The following AKAP9 variants were observed in gnomAD, a reference collection of about 807,000 sequenced individuals.
AKAP9 encodes the protein A-kinase anchor protein 9.
A neutral mutation model predicts 488.5 loss-of-function variants in AKAP9; 311 were observed. The observed-to-expected ratio is 0.64, with a 90% confidence interval of 0.58 to 0.70. The LOEUF is 0.70. Ranked by LOEUF, AKAP9 falls within the 30% of genes least tolerant of loss-of-function variation. The probability of loss-of-function intolerance (pLI) is 0.00; values close to 1 mark genes in which losing one functional copy is unlikely to be tolerated. For synonymous variants in AKAP9, 1,462 were observed against 1,483.5 expected, an observed-to-expected ratio of 0.99 and a Z score of 0.33; for missense variants, 4,215 against 4,374.5, an observed-to-expected ratio of 0.96 and a Z score of 1.03.
chr7:92,084,554 C>T (rs552965676), intron 33 of AKAP9, 86 bp from the exon 34 acceptor site: 5 of 963,130 alleles, frequency 5.2e-6, no homozygotes, highest in South Asian at 1.5e-5. Context: ...TGATTGATTA[C>T]AGCACGGGAA....
At chr7:91,943,018 T>G (rs1183587780) in intron 1 of AKAP9, among the ~76,000 whole-genome samples, 2 of 150,512 alleles carry the variant, frequency 1.3e-5, no homozygotes, top group African/African-American at 4.9e-5. Flanking sequence ...ATAGTGAGAC[T>G]CTACAAAAAA....
In AKAP9 at chr7:92,001,707, A is replaced by G. The variant is rs779121389; in HGVS notation, c.1790A>G (p.Lys597Arg). 1 of 1,612,476 alleles carries G rather than the reference A, an allele frequency of 6.2e-7. No individual in the cohort carries two copies. The highest frequency in any genetic ancestry group is 8.5e-7 in the Non-Finnish European group (1 of 1,179,610). The change falls in exon 8 of 50, where the codon AAG (lysine) becomes AGG (arginine). Residue 597 changes from lysine (K) to arginine (R), a missense_variant. Lys to Arg is a conservative substitution (Grantham distance 26). Around this residue, in one of 5 missense-constraint regions of AKAP9, gnomAD observed 2,361 missense variants for 2,430.0 expected, o/e 0.97. Coordinates refer to ENST00000356239, the MANE Select transcript of AKAP9 (RefSeq NM_005751.5). ...CATGAAGCAGAAGTTACAAATTACA[A>G]GATAAAACTTGAAATGTTAGAAAAA... Reference protein sequence around the residue: ...LKHEAEVTNYKIKLEMLEKEK... With the variant: ...LKHEAEVTNYRIKLEMLEKEK...
chr7:91,948,605 CTTTTT>C (rs55928500), intron 1 of AKAP9, among the ~76,000 whole-genome samples: 6 of 107,560 alleles, frequency 5.6e-5, no homozygotes, highest in Non-Finnish European at 9.2e-5. Flanking sequence ...TTGTAGATTT[CTTTTT>C]TTTTTTTTTT....
In AKAP9 at chr7:92,001,710, T is replaced by C; in HGVS notation, c.1793T>C (p.Ile598Thr). The C allele has an allele frequency of 6.2e-7, 1 of 1,612,344 alleles. No homozygotes were observed. The highest frequency in any genetic ancestry group is 1.7e-4 in the Middle Eastern group (1 of 6,052). Residue 598 changes from isoleucine (I) to threonine (T), a missense_variant, in exon 8 of 50, where the codon ATA becomes ACA. Physicochemically the swap from Ile to Thr is moderately conservative, Grantham distance 89. Coordinates refer to ENST00000356239, the MANE Select transcript of AKAP9 (RefSeq NM_005751.5). ...KHEAEVTNYK[I>T]KLEMLEKEKN... ...GAAGCAGAAGTTACAAATTACAAGA[T>C]AAAACTTGAAATGTTAGAAAAAGAA...
At chr7:91,960,733 T>C (rs1200523995) in intron 1 of AKAP9, among the ~76,000 whole-genome samples, 3 of 152,246 alleles carry the variant, frequency 2.0e-5, no homozygotes, top group Non-Finnish European at 4.4e-5. Flanking sequence ...CCTCACTACA[T>C]GTCTTACTTT....
At chr7:92,012,340 C>T (rs904143900) in intron 8 of AKAP9, 89 bp from the exon 9 acceptor site, 129 of 1,204,506 alleles carry the variant, frequency 1.1e-4, no homozygotes, top group Non-Finnish European at 1.5e-4. Context: ...TTTTTAAACT[C>T]TTGTAGTCAG....
At position 92,062,360 on chromosome 7, in the gene AKAP9, G is replaced by T. The variant is rs1368985096; in HGVS notation, c.5851G>T (p.Glu1951Ter). Reference sequence around the variant, plus strand: ...TGATATAATAGATCGTCTTGAGCAGGAGTTGTTATGTGCAAGTAACAGGTT... The same window carrying T: ...TGATATAATAGATCGTCTTGAGCAGTAGTTGTTATGTGCAAGTAACAGGTT... ...KTDIIDRLEQ[E>*]LLCASNRLQE... Residue 1951 changes from glutamate to a stop codon, truncating the protein, a stop_gained, in exon 24 of 50, where the codon GAG becomes TAG. Transcript: ENST00000356239. LOFTEE classifies it high-confidence loss of function. 1.2e-6 allele frequency: 2 copies of T among 1,613,800 alleles called. No homozygotes were observed. The highest frequency in any genetic ancestry group is 1.7e-6 in the Non-Finnish European group (2 of 1,179,864).
intron 13 of AKAP9, 75 bp from the exon 14 acceptor site, chr7:92,022,739 G>A (rs1254954866): frequency 5.2e-6 from 5 of 963,098 alleles, no homozygotes; most frequent in Non-Finnish European, 7.9e-6. Context: ...AATATTTTCT[G>A]TACACAGTGA....
chr7:91,959,532 C>CT (rs1370824558), intron 1 of AKAP9, among the ~76,000 whole-genome samples: 1 of 152,086 alleles, frequency 6.6e-6, no homozygotes, highest in Non-Finnish European at 1.5e-5. Context: ...CCTCAAACTC[C>CT]TGGCCTCAAG....
In AKAP9 at chr7:92,016,128, G is replaced by T; in HGVS notation, c.3613-1G>T. The T allele has an allele frequency of 6.2e-7, 1 of 1,601,232 alleles. No homozygotes were observed. Among genetic ancestry groups the T allele is most frequent in the South Asian group, 1.1e-5 (1 of 90,598 alleles). On this transcript the variant is annotated splice_acceptor_variant, in intron 10 of 49. Coordinates refer to ENST00000356239, the MANE Select transcript of AKAP9 (RefSeq NM_005751.5). LOFTEE classifies it high-confidence loss of function. ...AAAATACACAATTTTGTTGTTAACAGACTTTATGCAGTGTCCTTGGTGAAT... is the reference window on the plus strand; with the variant it reads ...AAAATACACAATTTTGTTGTTAACATACTTTATGCAGTGTCCTTGGTGAAT...
In AKAP9 at chr7:92,061,934, A is replaced by G. The variant is rs1381539470; in HGVS notation, c.5765-340A>G. Among the ~76,000 whole-genome samples the G allele has an allele frequency of 2.0e-5, 3 of 152,238 alleles. No individual in the cohort carries two copies. The East Asian group carries it at 5.8e-4, about 29-fold the overall frequency. On this transcript the variant is annotated intron_variant, in intron 23 of 49. Transcript: ENST00000356239. ...TCAAAATGTGATTCAGTTCACAAGC[A>G]TCTAATTTGTATTAAGCTTTTCAGA...
chr7:91,995,916 C>A, intron 7 of AKAP9, 116 bp downstream of exon 7: 1 of 745,512 alleles, frequency 1.3e-6, no homozygotes, highest in Non-Finnish European at 2.2e-6. Flanking sequence ...TAATTAAGCT[C>A]TTTGTGTAAT....
chr7:92,070,013 TG>T lies in AKAP9; in HGVS notation c.6331-16del. On this transcript the variant is annotated splice_polypyrimidine_tract_variant and intron_variant, in intron 26 of 49. Coordinates refer to ENST00000356239, the MANE Select transcript of AKAP9 (RefSeq NM_005751.5). ...GAAATTTTTTTTAAATTAAATTTTT[TG>T]CCTCTTATATTTCAGGTTGAACAGT... The T allele has an allele frequency of 6.2e-7, 1 of 1,606,276 alleles. No homozygotes were observed. The highest frequency in any genetic ancestry group is 8.5e-7 in the Non-Finnish European group (1 of 1,177,862).
chr7:92,012,768 A>G (rs1055759483), intron 9 of AKAP9, 126 bp downstream of exon 9: 65 of 753,538 alleles, frequency 8.6e-5, no homozygotes, highest in Admixed American at 1.1e-4. Context: ...AGTTGTTGAT[A>G]TAATCACTAG....
intron 32 of AKAP9, 85 bp downstream of exon 32, chr7:92,082,747 G>C: frequency 2.8e-6 from 4 of 1,431,814 alleles, no homozygotes; most frequent in Non-Finnish European, 3.9e-6. Context: ...TATAACAAAT[G>C]AGCTCCATAA....
At position 92,002,483 on chromosome 7, in the gene AKAP9, A is replaced by G; in HGVS notation, c.2566A>G (p.Asn856Asp). 3 of 1,611,452 alleles carry G rather than the reference A, an allele frequency of 1.9e-6. No individual in the cohort carries two copies. The highest frequency in any genetic ancestry group is 2.5e-6 in the Non-Finnish European group (3 of 1,179,218). ...QRNTFSFAEK[N>D]FEVNYQELQE... ...GAACACTTTTTCATTTGCTGAAAAA[A>G]ACTTTGAAGTTAACTATCAAGAGTT... Residue 856 changes from asparagine (N) to aspartate (D), a missense_variant, in exon 8 of 50, where the codon AAC becomes GAC. By Grantham distance (23) the Asn-to-Asp change is conservative. Coordinates refer to ENST00000356239, the MANE Select transcript of AKAP9 (RefSeq NM_005751.5).
At chr7:92,026,242 G>A (rs1381293965) in intron 14 of AKAP9, among the ~76,000 whole-genome samples, 2 of 152,180 alleles carry the variant, frequency 1.3e-5, no homozygotes, top group Non-Finnish European at 2.9e-5. Flanking sequence ...GTTTACGCCA[G>A]ACTGTTTTTT....
At chr7:91,981,817 G>A (rs1301477879) in intron 3 of AKAP9, among the ~76,000 whole-genome samples, 65 of 151,808 alleles carry the variant, frequency 4.3e-4, no homozygotes, top group Admixed American at 4.3e-3. Flanking sequence ...TCTTGGCCAG[G>A]CTGGTCTTGA....
intron 21 of AKAP9, among the ~76,000 whole-genome samples, chr7:92,046,322 C>T (rs1262493927): frequency 2.0e-5 from 3 of 152,192 alleles, no homozygotes; most frequent in Non-Finnish European, 2.9e-5. Context: ...ATTCCACACT[C>T]AAGCACTTCT....
Sources: allele counts gnomAD v4.1 joint callset (sites outside exome capture counted in the v4.1 genomes callset), GRCh38; gene constraint gnomAD v4.1.1; regional missense constraint gnomAD v4.1.1; transcripts MANE v1.5; gene names NCBI Gene and HGNC (gene_info 2026-07-23, HGNC 2026-07-21).